FSTL5: variants seen among roughly 807,000 people sequenced by gnomAD.
FSTL5 encodes the protein follistatin like 5.
A neutral mutation model predicts 89.1 loss-of-function variants in FSTL5; 62 were observed. The ratio of observed to expected loss-of-function variants is 0.70; its 90% CI spans 0.57 to 0.86. FSTL5 has a LOEUF of 0.86. FSTL5 is among the 40% of genes least tolerant of loss of function. The probability of loss-of-function intolerance (pLI) is 0.00; values close to 1 mark genes in which losing one functional copy is unlikely to be tolerated. For missense variants in FSTL5, 1,057 were observed against 1,001.6 expected (o/e 1.06, Z -0.75); for synonymous variants, 383 against 346.2 (o/e 1.11, Z -1.18).
intron 5 of FSTL5, among the ~76,000 whole-genome samples, chr4:161,765,463 G>A (rs1042257671): frequency 3.3e-5 from 5 of 152,138 alleles, no homozygotes; most frequent in African/African-American, 1.2e-4. Flanking sequence ...TTATAATTGT[G>A]AAAGAGTTTA....
chr4:161,395,309 A>C (rs2110887873), intron 15 of FSTL5, among the ~76,000 whole-genome samples: 1 of 152,232 alleles, frequency 6.6e-6, no homozygotes, highest in South Asian at 2.1e-4. Context: ...GCACAAAATA[A>C]TATAAAATTA....
intron 5 of FSTL5, among the ~76,000 whole-genome samples, chr4:161,769,419 T>C (rs1163569686): frequency 1.3e-5 from 2 of 151,968 alleles, no homozygotes; most frequent in Non-Finnish European, 2.9e-5. Context: ...CTGATAAACA[T>C]TGACGCAAAA....
intron 3 of FSTL5, among the ~76,000 whole-genome samples, chr4:161,985,547 C>G (rs1735942214): frequency 6.6e-6 from 1 of 151,824 alleles, no homozygotes; most frequent in Non-Finnish European, 1.5e-5. Flanking sequence ...CCAAGTTTCA[C>G]TAAAATAAGG....
At chr4:162,015,716 G>A (rs992261052) in intron 3 of FSTL5, among the ~76,000 whole-genome samples, 6 of 152,134 alleles carry the variant, frequency 3.9e-5, no homozygotes, top group South Asian at 2.1e-4. Flanking sequence ...GGCCAGGTTG[G>A]TAAAGCACTG....
At chr4:161,590,874 C>T (rs1733792675) in intron 7 of FSTL5, among the ~76,000 whole-genome samples, 1 of 152,152 alleles carries the variant, frequency 6.6e-6, no homozygotes, top group Non-Finnish European at 1.5e-5. Context: ...TTAGGACTAG[C>T]AATTCATTAT....
chr4:162,144,453 A>T (rs1450418162), intron 1 of FSTL5, among the ~76,000 whole-genome samples: 10 of 152,182 alleles, frequency 6.6e-5, no homozygotes, highest in Admixed American at 6.6e-4. Context: ...GCTTCATTCC[A>T]TTCACTACAA....
chr4:161,517,172 A>C (rs996588130), intron 10 of FSTL5, among the ~76,000 whole-genome samples: 3 of 152,142 alleles, frequency 2.0e-5, no homozygotes, highest in African/African-American at 7.2e-5. Flanking sequence ...TGCAGGCATG[A>C]GCCACCATGC....
At chr4:161,753,318 T>C (rs542155411) in intron 6 of FSTL5, among the ~76,000 whole-genome samples, 1 of 152,302 alleles carries the variant, frequency 6.6e-6, no homozygotes, top group South Asian at 2.1e-4. Context: ...CCTGCTTTAA[T>C]AAACAGAAAC....
chr4:162,086,369 C>T (rs1362342063), intron 2 of FSTL5, among the ~76,000 whole-genome samples: 5 of 151,284 alleles, frequency 3.3e-5, no homozygotes, highest in African/African-American at 1.2e-4. Context: ...TTTATTTTTG[C>T]TATTCTTTCT....
chr4:161,479,536 T>C (rs1187789057), intron 13 of FSTL5, among the ~76,000 whole-genome samples: 2 of 152,146 alleles, frequency 1.3e-5, no homozygotes, highest in African/African-American at 4.8e-5. Context: ...AAATGAATGC[T>C]TGTCATTTGT....
At position 161,732,414 on chromosome 4, in the gene FSTL5, G is replaced by T. The variant is rs994233161; in HGVS notation, c.727+26997C>A. The stretch of plus-strand genomic sequence containing the variant: ...AAATGAAGTATTTTGTTGGATACAT[G>T]GTTTTAAAAAATGTGTTCTCATTCT... On this transcript the variant is annotated intron_variant, in intron 6 of 15. Coordinates refer to ENST00000306100, the MANE Select transcript of FSTL5 (RefSeq NM_020116.5). Among the ~76,000 whole-genome samples, 6 of 151,860 alleles carry T rather than the reference G, an allele frequency of 4.0e-5. No homozygotes were observed. In the East Asian group the frequency reaches 5.8e-4, roughly 15 times the overall value.
intron 3 of FSTL5, among the ~76,000 whole-genome samples, chr4:161,935,852 C>A (rs1449310213): frequency 2.0e-5 from 3 of 152,134 alleles, no homozygotes; most frequent in African/African-American, 7.2e-5. Flanking sequence ...AATGAGAAAG[C>A]ACAGAATTGA....
intron 3 of FSTL5, among the ~76,000 whole-genome samples, chr4:161,926,886 C>T (rs1019685789): frequency 1.3e-5 from 2 of 151,652 alleles, no homozygotes; most frequent in African/African-American, 4.8e-5. Context: ...TGGTTAGAAG[C>T]CAAAGAAATT....
intron 4 of FSTL5, among the ~76,000 whole-genome samples, chr4:161,877,176 T>C (rs1025829489): frequency 3.3e-5 from 4 of 119,692 alleles, no homozygotes; most frequent in African/African-American, 1.2e-4. Flanking sequence ...AGAGCTAGAC[T>C]CTGTCTCGAA....
At chr4:161,783,690 T>C (rs184184621) in intron 4 of FSTL5, among the ~76,000 whole-genome samples, 2,759 of 23,994 alleles carry the variant, frequency 0.11, 33 homozygotes, top group Non-Finnish European at 0.14. Flanking sequence ...TTTCTTTCTT[T>C]CTTTCTTTCT....
rs533129521 is a variant in FSTL5 at position 161,738,253 on chromosome 4, T to C, written c.727+21158A>G. Among the ~76,000 whole-genome samples, 20 of 152,206 alleles carry C rather than the reference T, an allele frequency of 1.3e-4. No individual in the cohort carries two copies. In the South Asian group the frequency reaches 4.1e-3, roughly 32 times the overall value. On this transcript the variant is annotated intron_variant, in intron 6 of 15. Coordinates refer to ENST00000306100, the MANE Select transcript of FSTL5 (RefSeq NM_020116.5). The stretch of plus-strand genomic sequence containing the variant: ...ATGGAGATGGCTCATTAAACAAAGT[T>C]CTTGTGCTCAGGAGTAGCCATTAAC...
chr4:161,459,540 T>C (rs1315495308), intron 13 of FSTL5, among the ~76,000 whole-genome samples: 3 of 152,134 alleles, frequency 2.0e-5, no homozygotes, highest in Admixed American at 6.5e-5. Flanking sequence ...TTTTATCATA[T>C]ACAATTATGA....
At position 161,637,352 on chromosome 4, in the gene FSTL5, T is replaced by C. The variant is rs1262648491; in HGVS notation, c.894+18976A>G. Among the ~76,000 whole-genome samples, 426 of 83,576 alleles carry C rather than the reference T, an allele frequency of 5.1e-3. 3 individuals carry two copies. The highest frequency in any genetic ancestry group is 7.2e-3 in the Non-Finnish European group (319 of 44,432). 54.8% of individuals were successfully genotyped at this position (83,576 alleles called of 152,430 possible). A position where few individuals can be genotyped will look rare whatever the true frequency, so the allele number is the denominator to read the frequency against. Reference sequence around the variant, plus strand: ...AAATTTGTTTGAGTTCATTGTAGATTCTGGATATTAGCCCTTTGTCAGATG... The same window carrying C: ...AAATTTGTTTGAGTTCATTGTAGATCCTGGATATTAGCCCTTTGTCAGATG... On this transcript the variant is annotated intron_variant, in intron 7 of 15. Transcript: ENST00000306100.
intron 6 of FSTL5, among the ~76,000 whole-genome samples, chr4:161,674,008 G>C (rs905770352): frequency 6.6e-6 from 1 of 151,964 alleles, no homozygotes; most frequent in South Asian, 2.1e-4. Flanking sequence ...TTGTTAATAA[G>C]AGTGACTTTA....
Sources: gnomAD v4.1 joint callset for allele counts (sites outside exome capture counted in the v4.1 genomes callset) on GRCh38, gnomAD v4.1.1 for gene constraint, MANE v1.5 for transcripts, NCBI Gene and HGNC (gene_info 2026-07-23, HGNC 2026-07-21) for gene names.